MEMO1: variants seen among roughly 807,000 people sequenced by gnomAD.
MEMO1 encodes protein MEMO1.
MEMO1 carries 6 observed loss-of-function variants against 45.2 expected under a neutral mutation model. The ratio of observed to expected loss-of-function variants is 0.13; its 90% CI spans 0.07 to 0.26. The LOEUF (loss-of-function observed/expected upper bound fraction) is 0.26, where lower values mean the gene tolerates loss of function less well. Among genes scored for constraint, MEMO1 ranks in the 10% least tolerant of loss-of-function variants. The probability of loss-of-function intolerance (pLI) is 1.00; values close to 1 mark genes in which losing one functional copy is unlikely to be tolerated. For missense variants in MEMO1, 184 were observed against 370.5 expected, an observed-to-expected ratio of 0.50 and a Z score of 4.13; for synonymous variants, 78 against 124.3, an observed-to-expected ratio of 0.63 and a Z score of 2.48.
chr2:31,924,292 G>A (rs1004723221), intron 4 of MEMO1, among the ~76,000 whole-genome samples: 2 of 152,042 alleles, frequency 1.3e-5, no homozygotes, highest in Admixed American at 6.6e-5. Flanking sequence ...TGCTAGATCC[G>A]TAAACACCAA....
At chr2:32,002,170 T>A (rs12105406) in intron 2 of MEMO1, among the ~76,000 whole-genome samples, 3,684 of 96,658 alleles carry the variant, frequency 0.038, 114 homozygotes, top group Non-Finnish European at 0.055. Flanking sequence ...AAAAAAAAAA[T>A]ATATATATAT....
rs758322107 is a variant in MEMO1, at chr2:31,895,336, A to G, written c.438-3202T>C. On this transcript the variant is annotated intron_variant, in intron 6 of 9. Coordinates refer to ENST00000404530, the MANE Select transcript of MEMO1 (RefSeq NM_001301833.4). ...TGGATTTAGCAGACAAAAACTTCAA[A>G]GGAGTTATTATATATTCAAAGAACT... is the stretch of plus-strand genomic sequence containing the variant. Among the ~76,000 whole-genome samples the G allele has an allele frequency of 7.7e-4, 118 of 152,358 alleles. 2 individuals carry two copies. Among genetic ancestry groups the G allele is most frequent in the Non-Finnish European group, 1.1e-3 (74 of 68,034 alleles).
chr2:31,983,373 G>A (rs1670887013), intron 2 of MEMO1, among the ~76,000 whole-genome samples: 1 of 152,296 alleles, frequency 6.6e-6, no homozygotes, highest in Admixed American at 6.5e-5. Context: ...TCCCCTGACA[G>A]GACTTAGAAG....
chr2:31,996,957 C>T (rs1044205483), intron 2 of MEMO1, among the ~76,000 whole-genome samples: 2 of 152,126 alleles, frequency 1.3e-5, no homozygotes, highest in Non-Finnish European at 2.9e-5. Context: ...ATAGAACACT[C>T]GCCAAGACAG....
chr2:31,916,329 A>T (rs1681439785), intron 6 of MEMO1, among the ~76,000 whole-genome samples: 1 of 152,030 alleles, frequency 6.6e-6, no homozygotes, highest in African/African-American at 2.4e-5. Flanking sequence ...CCCAGGCTCA[A>T]GCAATCATCC....
At position 31,969,595 on chromosome 2, in the gene MEMO1, GTGT is replaced by G. The variant is rs1558542087; in HGVS notation, c.62-26215_62-26213del. 1.7e-4 allele frequency among the ~76,000 whole-genome samples: 20 copies of G among 117,482 alleles called. 1 individual carries two copies. The highest frequency in any genetic ancestry group is 8.7e-4 in the East Asian group (4 of 4,624). The allele number at this position is 117,482 out of a possible 152,430, so 77.1% of individuals were successfully genotyped here. A position where few individuals can be genotyped will look rare whatever the true frequency, so the allele number is the denominator to read the frequency against. ...TGGGGGTGTGTGTGTGGGTGTGTGT[GTGT>G]GTGTGTGTGTGTGTGTGTGTGTGTG... On this transcript the variant is annotated intron_variant, in intron 2 of 9. Coordinates refer to ENST00000404530, the MANE Select transcript of MEMO1 (RefSeq NM_001301833.4).
intron 2 of MEMO1, among the ~76,000 whole-genome samples, chr2:31,955,852 C>A (rs1202058197): frequency 6.6e-6 from 1 of 152,226 alleles, no homozygotes; most frequent in East Asian, 1.9e-4. Flanking sequence ...AGGTGATCCA[C>A]TAGCCTCAGC....
intron 6 of MEMO1, among the ~76,000 whole-genome samples, chr2:31,913,713 A>T (rs939418740): frequency 6.6e-6 from 1 of 152,182 alleles, no homozygotes; most frequent in African/African-American, 2.4e-5. Context: ...TACGGTCAAG[A>T]CTAGTTGCTC....
intron 2 of MEMO1, among the ~76,000 whole-genome samples, chr2:31,982,093 T>C (rs1013407261): frequency 6.6e-6 from 1 of 151,542 alleles, no homozygotes; most frequent in Non-Finnish European, 1.5e-5. Context: ...GGTCAGGAGA[T>C]TGAGACCATC....
chr2:31,945,191 A>C (rs1276934047), intron 2 of MEMO1, among the ~76,000 whole-genome samples: 2 of 152,202 alleles, frequency 1.3e-5, no homozygotes, highest in African/African-American at 2.4e-5. Flanking sequence ...AAAATTACTC[A>C]AGTTGATATA....
At chr2:31,985,316 T>C (rs1671129966) in intron 2 of MEMO1, among the ~76,000 whole-genome samples, 1 of 152,242 alleles carries the variant, frequency 6.6e-6, no homozygotes, top group African/African-American at 2.4e-5. Context: ...TTAATCTTAT[T>C]CATTTACACA....
At chr2:31,898,814 G>A (rs539571747) in intron 6 of MEMO1, among the ~76,000 whole-genome samples, 2 of 152,208 alleles carry the variant, frequency 1.3e-5, no homozygotes, top group Admixed American at 1.3e-4. Context: ...TAATGGGGCG[G>A]TAAGTCTCCG....
intron 7 of MEMO1, among the ~76,000 whole-genome samples, chr2:31,884,705 T>A (rs796307198): frequency 5.3e-5 from 8 of 152,324 alleles, no homozygotes; most frequent in African/African-American, 1.9e-4. Context: ...TATGTCATAT[T>A]TCCTTAATGT....
chr2:31,892,015 A>G lies in MEMO1; in HGVS notation c.557T>C (p.Val186Ala). Residue 186 changes from valine to alanine, a missense_variant, in exon 7 of 10, where the codon GTT (valine) becomes GCT (alanine). Val to Ala is a moderately conservative substitution (Grantham distance 64). This residue lies in a region of MEMO1 where 97 missense variants were observed against 209.3 expected (regional missense o/e 0.46). Transcript: ENST00000404530. ...ACCCCAATGGCAGAAATCAGAAGAA[A>G]CCACAAAGAGATTACTAGGATCCGC... ...YLADPSNLFV[V>A]SSDFCHWGQR... 6.2e-7 allele frequency: 1 copy of G among 1,611,598 alleles called. No homozygotes were observed. The highest frequency in any genetic ancestry group is 8.5e-7 in the Non-Finnish European group (1 of 1,179,414).
At chr2:31,952,503 C>T (rs1387149878) in intron 2 of MEMO1, among the ~76,000 whole-genome samples, 1 of 152,146 alleles carries the variant, frequency 6.6e-6, no homozygotes, top group African/African-American at 2.4e-5. Flanking sequence ...TATACTTATT[C>T]CAGTTCATTT....
At chr2:31,893,651 G>A (rs1190778565) in intron 6 of MEMO1, among the ~76,000 whole-genome samples, 2 of 152,162 alleles carry the variant, frequency 1.3e-5, no homozygotes, top group Non-Finnish European at 2.9e-5. Context: ...GCATAGGTAA[G>A]TTCCCGAATT....
chr2:31,870,078 CAG>C (rs1673470885), intron 8 of MEMO1, 126 bp from the exon 9 acceptor site: 1 of 749,002 alleles, frequency 1.3e-6, no homozygotes, highest in Non-Finnish European at 1.9e-6. Context: ...ACAAAGAAAA[CAG>C]ATTAAATAAA....
At chr2:31,956,900 T>G (rs535721174) in intron 2 of MEMO1, among the ~76,000 whole-genome samples, 1 of 152,106 alleles carries the variant, frequency 6.6e-6, no homozygotes, top group Admixed American at 6.5e-5. Flanking sequence ...TCCCAGCACT[T>G]TGGGAGGCCG....
chr2:32,000,607 C>A (rs909195477), intron 2 of MEMO1, among the ~76,000 whole-genome samples: 12 of 152,088 alleles, frequency 7.9e-5, no homozygotes, highest in Admixed American at 7.9e-4. Flanking sequence ...CTCAAGTGAT[C>A]CGCCCTCCTC....
Sources: allele counts gnomAD v4.1 joint callset (sites outside exome capture counted in the v4.1 genomes callset), GRCh38; gene constraint gnomAD v4.1.1; regional missense constraint gnomAD v4.1.1; transcripts MANE v1.5; gene names NCBI Gene and HGNC (gene_info 2026-07-23, HGNC 2026-07-21).